CHRM2: variants seen among roughly 807,000 people sequenced by gnomAD.
CHRM2 encodes the protein muscarinic acetylcholine receptor M2.
CHRM2 carries 8 observed loss-of-function variants against 25.0 expected under a neutral mutation model. That is an observed-to-expected ratio of 0.32 (90% CI 0.19 to 0.58). The LOEUF (loss-of-function observed/expected upper bound fraction) is 0.58, where lower values mean the gene tolerates loss of function less well. CHRM2 is among the 20% of genes least tolerant of loss of function. The pLI, the probability that CHRM2 is intolerant of heterozygous loss-of-function variation, is 0.88. For synonymous variants in CHRM2, 202 were observed against 205.7 expected (o/e 0.98, Z 0.15); for missense variants, 440 against 567.1 (o/e 0.78, Z 2.28).
intron 2 of CHRM2, among the ~76,000 whole-genome samples, chr7:136,954,101 C>T (rs1800578127): frequency 6.6e-6 from 1 of 152,154 alleles, no homozygotes; most frequent in Non-Finnish European, 1.5e-5. Context: ...TAAGAGTGAG[C>T]TGACACCTTG....
chr7:136,994,763 ATTT>A (rs1363392969), intron 3 of CHRM2, among the ~76,000 whole-genome samples: 1 of 151,748 alleles, frequency 6.6e-6, no homozygotes, highest in African/African-American at 2.4e-5. Flanking sequence ...TTAGATATTT[ATTT>A]TTTAATTTAA....
chr7:136,874,659 T>C (rs1193430232), intron 2 of CHRM2, among the ~76,000 whole-genome samples: 1 of 147,480 alleles, frequency 6.8e-6, no homozygotes, highest in Admixed American at 6.9e-5. Context: ...TTGGATTGGA[T>C]AGGACAAGGA....
rs1805241964 is a variant in CHRM2, at chr7:137,017,335, A to C, written c.*1069A>C. The C allele has an allele frequency of 6.6e-6, 1 of 151,898 alleles. No homozygotes were observed. The highest frequency in any genetic ancestry group is 2.4e-5 in the African/African-American group (1 of 41,396). 9.4% of individuals were successfully genotyped at this position (151,898 alleles called of 1,614,324 possible). A position where few individuals can be genotyped will look rare whatever the true frequency, so the allele number is the denominator to read the frequency against. ...CTGAATTTGCCTGACCCATGTATGA[A>C]ATGTTAACTTATAGAAAATGAACTC... On this transcript the variant is annotated 3_prime_UTR_variant, in exon 4 of 4. Coordinates refer to ENST00000680005, the MANE Select transcript of CHRM2 (RefSeq NM_001006630.2).
intron 2 of CHRM2, among the ~76,000 whole-genome samples, chr7:136,975,724 C>T (rs896492060): frequency 4.6e-5 from 7 of 152,126 alleles, no homozygotes; most frequent in African/African-American, 1.7e-4. Context: ...CTTCCTATTG[C>T]CTTCACTTTT....
At chr7:136,871,184 G>A (rs918956878) in intron 2 of CHRM2, 3 of 153,376 alleles carry the variant, frequency 2.0e-5, no homozygotes, top group African/African-American at 7.2e-5. Flanking sequence ...AGACTCCAGA[G>A]AGAAACCCTG....
chr7:136,930,650 C>A (rs1260721201), intron 2 of CHRM2, among the ~76,000 whole-genome samples: 1 of 151,684 alleles, frequency 6.6e-6, no homozygotes, highest in Admixed American at 6.6e-5. Flanking sequence ...GTAATCCCAG[C>A]ACTTTGGGAG....
intron 2 of CHRM2, among the ~76,000 whole-genome samples, chr7:136,889,457 A>G (rs1390345825): frequency 6.6e-6 from 1 of 152,230 alleles, no homozygotes; most frequent in Non-Finnish European, 1.5e-5. Context: ...AATGAGGAAC[A>G]AAAGTATTTA....
intron 2 of CHRM2, among the ~76,000 whole-genome samples, chr7:136,924,635 T>G (rs1204742664): frequency 6.6e-6 from 1 of 152,120 alleles, no homozygotes; most frequent in African/African-American, 2.4e-5. Flanking sequence ...AATCACAGAT[T>G]TGTCAGTGGA....
At chr7:136,912,722 T>A (rs1797908013) in intron 2 of CHRM2, among the ~76,000 whole-genome samples, 1 of 151,890 alleles carries the variant, frequency 6.6e-6, no homozygotes, top group South Asian at 2.1e-4. Flanking sequence ...GCCTAAGACA[T>A]CCTATAGATA....
At chr7:136,945,948 A>C (rs1419686376) in intron 2 of CHRM2, among the ~76,000 whole-genome samples, 1 of 152,122 alleles carries the variant, frequency 6.6e-6, no homozygotes, top group Non-Finnish European at 1.5e-5. Context: ...AGCAAATTCT[A>C]TATAATATTT....
chr7:137,014,914 C>G lies in CHRM2; in HGVS notation c.49C>G (p.Pro17Ala), dbSNP rs1805070331. The G allele has an allele frequency of 6.2e-7, 1 of 1,613,022 alleles. No homozygotes were observed. The highest frequency in any genetic ancestry group is 1.3e-5 in the African/African-American group (1 of 74,822). ...SSNNSLALTS[P>A]YKTFEVVFIV... ...TAACAATAGCCTGGCTCTTACAAGT[C>G]CTTATAAGACATTTGAAGTGGTGTT... The change falls in exon 4 of 4, where the codon CCT becomes GCT. Residue 17 changes from proline (P) to alanine (A), a missense_variant. Physicochemically the swap from Pro to Ala is conservative, Grantham distance 27. Transcript: ENST00000680005.
intron 2 of CHRM2, among the ~76,000 whole-genome samples, chr7:136,974,903 T>C (rs1011435703): frequency 6.6e-6 from 1 of 152,188 alleles, no homozygotes; most frequent in East Asian, 1.9e-4. Context: ...TGAGAACTGA[T>C]AACTAATATA....
chr7:136,963,764 T>C (rs1312198036), intron 2 of CHRM2, among the ~76,000 whole-genome samples: 1 of 152,004 alleles, frequency 6.6e-6, no homozygotes, highest in Non-Finnish European at 1.5e-5. Flanking sequence ...TCAAAATCAC[T>C]TATGTGAAAC....
At chr7:136,983,688 G>A (rs1399476707) in intron 2 of CHRM2, among the ~76,000 whole-genome samples, 2 of 152,206 alleles carry the variant, frequency 1.3e-5, no homozygotes, top group African/African-American at 4.8e-5. Context: ...TAACAGTCAA[G>A]TCCCTCTTCT....
Position 137,000,401 on chromosome 7 carries a change from T to C in CHRM2, c.-47+8137T>C, listed in dbSNP as rs377765344. ...TTTTAGTAGAGACGAGGTTTTGCCA[T>C]GTTGGCCAGGCTGGTCTCATACTCC... is the stretch of plus-strand genomic sequence containing the variant. On this transcript the variant is annotated intron_variant, in intron 3 of 3. Coordinates refer to ENST00000680005, the MANE Select transcript of CHRM2 (RefSeq NM_001006630.2). 1.4e-3 allele frequency among the ~76,000 whole-genome samples: 219 copies of C among 151,310 alleles called. 3 individuals carry two copies. The highest frequency in any genetic ancestry group is 5.0e-3 in the African/African-American group (208 of 41,280).
rs551501089 is a variant in CHRM2 at position 136,890,870 on chromosome 7, T to C, written c.-125+21452T>C. Reference sequence around the variant, plus strand: ...GTGGATATGTGTATGTGTATGTTTGTATATATGTGTATGTGTGTGTATATG... The same window carrying C: ...GTGGATATGTGTATGTGTATGTTTGCATATATGTGTATGTGTGTGTATATG... On this transcript the variant is annotated intron_variant, in intron 2 of 3. Coordinates refer to ENST00000680005, the MANE Select transcript of CHRM2 (RefSeq NM_001006630.2). Among the ~76,000 whole-genome samples the C allele has an allele frequency of 2.6e-5, 4 of 152,318 alleles. No homozygotes were observed. In the South Asian group the frequency reaches 8.3e-4, roughly 32 times the overall value.
chr7:136,892,580 G>C (rs572728041), intron 2 of CHRM2, among the ~76,000 whole-genome samples: 1 of 151,874 alleles, frequency 6.6e-6, no homozygotes, highest in South Asian at 2.1e-4. Context: ...AAAGGCCTAA[G>C]TACAAAGACA....
At chr7:136,871,393 T>G (rs955564298) in intron 2 of CHRM2, 5 of 152,542 alleles carry the variant, frequency 3.3e-5, no homozygotes, top group African/African-American at 1.2e-4. Flanking sequence ...CTTTTCTCCA[T>G]GCTGCCCAGG....
chr7:136,957,408 T>C (rs945711351), intron 2 of CHRM2, among the ~76,000 whole-genome samples: 1 of 152,252 alleles, frequency 6.6e-6, no homozygotes, highest in African/African-American at 2.4e-5. Flanking sequence ...TGTTGACTTA[T>C]TGGTTTGAAG....
Sources: allele counts gnomAD v4.1 joint callset (sites outside exome capture counted in the v4.1 genomes callset), GRCh38; gene constraint gnomAD v4.1.1; transcripts MANE v1.5; gene names NCBI Gene and HGNC (gene_info 2026-07-23, HGNC 2026-07-21).